TEC: variants seen among roughly 807,000 people sequenced by gnomAD.
TEC encodes tec protein tyrosine kinase.
A neutral mutation model predicts 93.0 loss-of-function variants in TEC; 72 were observed. That is an observed-to-expected ratio of 0.77 (90% CI 0.64 to 0.94). The LOEUF (loss-of-function observed/expected upper bound fraction) is 0.94. Ranked by LOEUF, TEC falls within the 40% of genes least tolerant of loss-of-function variation. TEC has a pLI of 0.00. For synonymous variants in TEC, 249 were observed against 247.7 expected (o/e 1.01, Z -0.05); for missense variants, 630 against 757.9 (o/e 0.83, Z 1.98).
chr4:48,205,268 G>A (rs1176878429), intron 2 of TEC, among the ~76,000 whole-genome samples: 2 of 152,280 alleles, frequency 1.3e-5, no homozygotes, highest in East Asian at 1.9e-4. Context: ...CCTCAGTGAG[G>A]CTCACTTCAC....
Position 48,138,718 on chromosome 4 carries a change from G to A in TEC, c.1759C>T (p.Pro587Ser). The A allele has an allele frequency of 6.2e-7, 1 of 1,614,140 alleles. No individual in the cohort carries two copies. The highest frequency in any genetic ancestry group is 1.1e-5 in the South Asian group (1 of 91,080). ...MVTRGHRLYQ[P>S]KLASNYVYEV... ...TACACATAGTTGGACGCCAACTTCG[G>A]CTGGTAGAGTCGGTGGCCTCGAGTA... Residue 587 changes from proline to serine, a missense_variant, in exon 17 of 18, where the codon CCG becomes TCG. Physicochemically the swap from Pro to Ser is moderately conservative, Grantham distance 74. Coordinates refer to ENST00000381501, the MANE Select transcript of TEC (RefSeq NM_003215.3).
Position 48,147,168 on chromosome 4 carries a change from C to CA in TEC, c.1007-770dup, listed in dbSNP as rs544340094. On this transcript the variant is annotated intron_variant, in intron 11 of 17. Coordinates refer to ENST00000381501, the MANE Select transcript of TEC (RefSeq NM_003215.3). ...AGAAAAAATTAGGGAGCAAAAACACCAAAAAAGAAAACAACAGAATGAGAT... is the reference window on the plus strand; with the variant it reads ...AGAAAAAATTAGGGAGCAAAAACACCAAAAAAAGAAAACAACAGAATGAGAT... Among the ~76,000 whole-genome samples the CA allele has an allele frequency of 4.0e-3, 609 of 152,014 alleles. 4 individuals are homozygous for CA. Among genetic ancestry groups the CA allele is most frequent in the Non-Finnish European group, 7.3e-3 (493 of 67,942 alleles).
At chr4:48,193,207 A>G (rs188245586) in intron 2 of TEC, among the ~76,000 whole-genome samples, 31 of 151,182 alleles carry the variant, frequency 2.1e-4, no homozygotes, top group African/African-American at 6.6e-4. Context: ...CATTGCCCAG[A>G]CTGAACTCCT....
At chr4:48,192,537 C>T (rs556015142) in intron 2 of TEC, among the ~76,000 whole-genome samples, 4 of 152,192 alleles carry the variant, frequency 2.6e-5, no homozygotes, top group African/African-American at 7.2e-5. Context: ...AAAAATATGG[C>T]CCCTGCTCTC....
chr4:48,137,705 T>A (rs1319338172), intron 17 of TEC, among the ~76,000 whole-genome samples: 2 of 152,222 alleles, frequency 1.3e-5, no homozygotes, highest in Non-Finnish European at 2.9e-5. Context: ...AAGACACTGC[T>A]TTCATGTCTC....
chr4:48,212,111 ATATAT>A (rs1452229755), intron 2 of TEC, among the ~76,000 whole-genome samples: 29 of 101,662 alleles, frequency 2.9e-4, no homozygotes, highest in East Asian at 5.2e-4. Context: ...AAAAAAAAAA[ATATAT>A]ATATATATAT....
At chr4:48,238,738 G>C (rs1723853673) in intron 1 of TEC, among the ~76,000 whole-genome samples, 1 of 149,202 alleles carries the variant, frequency 6.7e-6, no homozygotes, top group South Asian at 2.1e-4. Flanking sequence ...ATATTTCCCA[G>C]CCTTCTTTGC....
At chr4:48,193,777 GT>G (rs113925714) in intron 2 of TEC, among the ~76,000 whole-genome samples, 7 of 147,508 alleles carry the variant, frequency 4.7e-5, no homozygotes, top group East Asian at 2.0e-4. Context: ...ATGTGTTAGG[GT>G]TTTTTTTTTA....
At position 48,203,533 on chromosome 4, in the gene TEC, C is replaced by A. The variant is rs1175801112; in HGVS notation, c.138+24944G>T. 2.0e-5 allele frequency among the ~76,000 whole-genome samples: 3 copies of A among 152,210 alleles called. No individual in the cohort carries two copies. The East Asian group carries it at 5.8e-4, about 29-fold the overall frequency. ...CCCATGAGAGCAAAGGAAGGTGTAA[C>A]CCCAACATGATGGTCCCCATGTGAC... On this transcript the variant is annotated intron_variant, in intron 2 of 17. Transcript: ENST00000381501.
At chr4:48,234,937 A>C (rs1465124478) in intron 1 of TEC, among the ~76,000 whole-genome samples, 1 of 152,210 alleles carries the variant, frequency 6.6e-6, no homozygotes, top group African/African-American at 2.4e-5. Context: ...AATGACAACA[A>C]ATTTAGTAAA....
At chr4:48,210,616 C>T (rs552833692) in intron 2 of TEC, among the ~76,000 whole-genome samples, 58 of 152,228 alleles carry the variant, frequency 3.8e-4, no homozygotes, top group African/African-American at 1.3e-3. Flanking sequence ...ATATGTGTAC[C>T]ACTGGCAAAC....
chr4:48,239,981 AGTGTGTGTGT>A (rs5858109), intron 1 of TEC, among the ~76,000 whole-genome samples: 1 of 149,480 alleles, frequency 6.7e-6, no homozygotes, highest in Non-Finnish European at 1.5e-5. Context: ...TTGCTCTGTG[AGTGTGTGTGT>A]GTGTGTGTGT....
At chr4:48,247,399 C>A (rs1241848880) in intron 1 of TEC, among the ~76,000 whole-genome samples, 1 of 152,158 alleles carries the variant, frequency 6.6e-6, no homozygotes, top group Admixed American at 6.5e-5. Context: ...ATATACCCAA[C>A]AGAATTAAAA....
chr4:48,165,668 G>C (rs1720848242), intron 7 of TEC, among the ~76,000 whole-genome samples: 1 of 152,060 alleles, frequency 6.6e-6, no homozygotes, highest in South Asian at 2.1e-4. Context: ...AAGAAACACA[G>C]GCATATTAAG....
At chr4:48,169,091 T>G (rs949339005) in intron 5 of TEC, among the ~76,000 whole-genome samples, 1 of 152,136 alleles carries the variant, frequency 6.6e-6, no homozygotes, top group Non-Finnish European at 1.5e-5. Context: ...AAGGATTCTG[T>G]GTACAAATGG....
chr4:48,197,455 C>T (rs1312711664), intron 2 of TEC, among the ~76,000 whole-genome samples: 1 of 152,098 alleles, frequency 6.6e-6, no homozygotes, highest in Non-Finnish European at 1.5e-5. Flanking sequence ...TATGCTACTT[C>T]GGCATATGGA....
intron 1 of TEC, among the ~76,000 whole-genome samples, chr4:48,264,182 T>C (rs1724572307): frequency 6.6e-6 from 1 of 152,186 alleles, no homozygotes; most frequent in African/African-American, 2.4e-5. Context: ...ATTTACACCA[T>C]GGAATCTCCA....
chr4:48,205,343 G>A (rs1722667638), intron 2 of TEC, among the ~76,000 whole-genome samples: 1 of 152,178 alleles, frequency 6.6e-6, no homozygotes, highest in South Asian at 2.1e-4. Context: ...AGAGCCCACT[G>A]TGCATGCCGT....
chr4:48,187,588 G>A (rs1325663228), intron 2 of TEC, among the ~76,000 whole-genome samples: 2 of 152,088 alleles, frequency 1.3e-5, no homozygotes, highest in South Asian at 4.1e-4. Context: ...CCCCCTAAGT[G>A]ATCTTATGAC....
Sources: allele counts gnomAD v4.1 joint callset (sites outside exome capture counted in the v4.1 genomes callset), GRCh38; gene constraint gnomAD v4.1.1; transcripts MANE v1.5; gene names NCBI Gene and HGNC (gene_info 2026-07-23, HGNC 2026-07-21).